The following SPIRE1 variants were observed in gnomAD, a reference collection of about 807,000 sequenced individuals.
The protein encoded by SPIRE1 is protein spire homolog 1.
A neutral mutation model predicts 94.1 loss-of-function variants in SPIRE1; 40 were observed. The observed-to-expected ratio is 0.43, with a 90% CI of 0.33 to 0.55. The LOEUF (loss-of-function observed/expected upper bound fraction) is 0.55, where lower values mean the gene tolerates loss of function less well. Ranked by LOEUF, SPIRE1 falls within the 20% of genes least tolerant of loss-of-function variation. SPIRE1 has a pLI of 0.06. For synonymous variants in SPIRE1, 376 were observed against 371.7 expected, an observed-to-expected ratio of 1.01 and a Z score of -0.13; for missense variants, 838 against 975.2, an observed-to-expected ratio of 0.86 and a Z score of 1.87.
intron 4 of SPIRE1, among the ~76,000 whole-genome samples, chr18:12,521,029 T>TA (rs2034342729): frequency 6.6e-6 from 1 of 152,098 alleles, no homozygotes; most frequent in Admixed American, 6.5e-5. Context: ...GGAAAATACT[T>TA]ACATTTGATT....
chr18:12,520,072 C>T (rs2034315582), intron 4 of SPIRE1, among the ~76,000 whole-genome samples: 1 of 152,070 alleles, frequency 6.6e-6, no homozygotes, highest in East Asian at 1.9e-4. Flanking sequence ...TTACACCATA[C>T]CCACAAAATA....
chr18:12,593,347 T>G (rs2036584557), intron 2 of SPIRE1, among the ~76,000 whole-genome samples: 3 of 152,240 alleles, frequency 2.0e-5, no homozygotes. Flanking sequence ...AGAATAAATT[T>G]ACTAAGAATT....
intron 2 of SPIRE1, among the ~76,000 whole-genome samples, chr18:12,615,368 A>G (rs1196680917): frequency 1.1e-5 from 1 of 91,718 alleles, no homozygotes; most frequent in African/African-American, 3.7e-5. Context: ...ATATATATAT[A>G]TATATGCATG....
At chr18:12,659,491 A>C (rs2011575), upstream of SPIRE1, among the ~76,000 whole-genome samples, 36,053 of 151,948 alleles carry the variant, frequency 0.24, 4,961 homozygotes, top group Non-Finnish European at 0.32. Context: ...ACATGGGGAA[A>C]CCCTGTCTCT....
chr18:12,546,343 A>G (rs1412252759), intron 3 of SPIRE1, among the ~76,000 whole-genome samples: 1 of 152,066 alleles, frequency 6.6e-6, no homozygotes, highest in Non-Finnish European at 1.5e-5. Flanking sequence ...ATTTTTTAAA[A>G]AATAACAGCT....
chr18:12,494,919 A>AGGTGC (rs929534840), intron 7 of SPIRE1, among the ~76,000 whole-genome samples: 9 of 149,684 alleles, frequency 6.0e-5, no homozygotes, highest in African/African-American at 2.0e-4. Context: ...GCGTGGTGGC[A>AGGTGC]GGTGCCTGTA....
At chr18:12,634,180 G>A (rs974349192) in intron 2 of SPIRE1, among the ~76,000 whole-genome samples, 6 of 151,848 alleles carry the variant, frequency 4.0e-5, no homozygotes, top group African/African-American at 7.3e-5. Context: ...CCCGGGAGGC[G>A]GAGCTTGCAG....
At chr18:12,470,508 C>A (rs1040205382) in intron 10 of SPIRE1, among the ~76,000 whole-genome samples, 16 of 152,170 alleles carry the variant, frequency 1.1e-4, no homozygotes, top group African/African-American at 3.9e-4. Context: ...TTAGTTCTTG[C>A]CCCAGAGGAA....
At chr18:12,595,642 T>C (rs959528919) in intron 2 of SPIRE1, among the ~76,000 whole-genome samples, 11 of 152,216 alleles carry the variant, frequency 7.2e-5, no homozygotes, top group African/African-American at 1.4e-4. Flanking sequence ...CTAACCTTTA[T>C]TGAGTACCTA....
chr18:12,485,919 A>T, intron 9 of SPIRE1, 40 bp downstream of exon 9: 2 of 1,484,212 alleles, frequency 1.3e-6, no homozygotes, highest in Non-Finnish European at 1.8e-6. Flanking sequence ...AGAAACCACA[A>T]AACCCACGTC....
At chr18:12,508,330 C>CA (rs1327057204) in intron 5 of SPIRE1, among the ~76,000 whole-genome samples, 1 of 151,864 alleles carries the variant, frequency 6.6e-6, no homozygotes, top group Admixed American at 6.6e-5. Context: ...AAGAAGCTAC[C>CA]AAAAAATATA....
chr18:12,478,410 GGTGT>G (rs371547589), intron 10 of SPIRE1, among the ~76,000 whole-genome samples: 10 of 150,596 alleles, frequency 6.6e-5, no homozygotes, highest in East Asian at 6.0e-4. Context: ...GTGTAGCTAG[GGTGT>G]GTGTGTGAAG....
At chr18:12,658,387 T>C (rs907739494), upstream of SPIRE1, 1 of 400,388 alleles carries the variant, frequency 2.5e-6, no homozygotes. Flanking sequence ...CGCGGCCGGG[T>C]AGGGCGTGCA....
rs571447033 is a variant in SPIRE1 at position 12,584,810 on chromosome 18, C to T, written c.373-37906G>A. On this transcript the variant is annotated intron_variant, in intron 2 of 16. Transcript: ENST00000409402. ...ATATATATTTTTTGAGAGGGAGTCT[C>T]GCCCTGTTGCCCAGGCTGGAGTGCA... Among the ~76,000 whole-genome samples, 4 of 152,020 alleles carry T rather than the reference C, an allele frequency of 2.6e-5. No individual in the cohort carries two copies. In the South Asian group the frequency reaches 8.3e-4, roughly 32 times the overall value.
chr18:12,461,523 T>G (rs915353409), intron 12 of SPIRE1, among the ~76,000 whole-genome samples: 1 of 113,626 alleles, frequency 8.8e-6, no homozygotes, highest in South Asian at 3.0e-4. Context: ...CATACATATG[T>G]GTGGTATGTA....
chr18:12,629,208 G>A (rs926499792), intron 2 of SPIRE1, among the ~76,000 whole-genome samples: 2 of 152,078 alleles, frequency 1.3e-5, no homozygotes, highest in African/African-American at 4.8e-5. Context: ...ATAATTAGTG[G>A]TGATTAATAG....
intron 1 of SPIRE1, among the ~76,000 whole-genome samples, chr18:12,652,763 A>G (rs1210539127): frequency 6.6e-6 from 1 of 152,082 alleles, no homozygotes; most frequent in African/African-American, 2.4e-5. Flanking sequence ...GCATATTTCT[A>G]TTTATTTCAT....
intron 2 of SPIRE1, among the ~76,000 whole-genome samples, chr18:12,552,337 C>T (rs985724377): frequency 3.3e-5 from 5 of 152,136 alleles, no homozygotes; most frequent in African/African-American, 1.2e-4. Flanking sequence ...TTGCACTATC[C>T]CTCTCCCAAC....
At chr18:12,486,057 A>C in intron 8 of SPIRE1, 57 bp from the exon 9 acceptor site, 1 of 1,348,664 alleles carries the variant, frequency 7.4e-7, no homozygotes, top group Admixed American at 2.6e-5. Flanking sequence ...AGGAATATAC[A>C]GAGAGGACAA....
Sources: gnomAD v4.1 joint callset for allele counts (sites outside exome capture counted in the v4.1 genomes callset) on GRCh38, gnomAD v4.1.1 for gene constraint, MANE v1.5 for transcripts, NCBI Gene and HGNC (gene_info 2026-07-23, HGNC 2026-07-21) for gene names.